Variants in HNRNPL observed in about 807,000 individuals in gnomAD.
HNRNPL encodes the protein heterogeneous nuclear ribonucleoprotein L.
In HNRNPL, 12 loss-of-function variants were observed where a neutral mutation model predicts 64.0. That is an observed-to-expected ratio of 0.19 (90% CI 0.12 to 0.30). The LOEUF (loss-of-function observed/expected upper bound fraction) is 0.30. HNRNPL is among the 10% of genes least tolerant of loss of function. HNRNPL has a pLI of 1.00. For missense variants in HNRNPL, 484 were observed against 797.4 expected (o/e 0.61, Z 4.73); for synonymous variants, 385 against 313.0 (o/e 1.23, Z -2.43).
At chr19:38,840,437 C>G (rs1600053624) in intron 7 of HNRNPL, 51 bp downstream of exon 7, 18 of 1,560,774 alleles carry the variant, frequency 1.2e-5, no homozygotes, top group Non-Finnish European at 1.6e-5. Flanking sequence ...GGGCGGCGGG[C>G]AGGGGCACAT....
chr19:38,839,153 G>T, intron 8 of HNRNPL, 138 bp from the exon 9 acceptor site: 1 of 1,085,528 alleles, frequency 9.2e-7, no homozygotes, highest in Non-Finnish European at 1.3e-6. Context: ...AGAAAAACAT[G>T]CCTGGCCCAC....
Position 38,845,987 on chromosome 19 carries a change from T to C in HNRNPL, c.490A>G (p.Ile164Val), listed in dbSNP as rs370497573. The change falls in exon 3 of 13, where the codon ATT becomes GTT. Residue 164 changes from isoleucine (I) to valine (V), a missense_variant. Transcript: ENST00000221419. ...VNYAADNQIY[I>V]AGHPAFVNYS... is the part of the protein sequence containing the mutation. Reference sequence around the variant, plus strand: ...TTGACAAAAGCTGGGTGACCAGCAATGTATATTTGGTTGTCGGCTGCGTAG... The same window carrying C: ...TTGACAAAAGCTGGGTGACCAGCAACGTATATTTGGTTGTCGGCTGCGTAG... 6.8e-6 allele frequency: 11 copies of C among 1,614,148 alleles called. No individual in the cohort carries two copies. The highest frequency in any genetic ancestry group is 2.5e-6 in the Non-Finnish European group (3 of 1,180,002).
intron 8 of HNRNPL, 62 bp downstream of exon 8, chr19:38,840,034 C>G: frequency 5.2e-6 from 8 of 1,542,900 alleles, no homozygotes; most frequent in Non-Finnish European, 6.3e-6. Context: ...TGGTTCTTTC[C>G]CGTGCTGACT....
intron 11 of HNRNPL, 28 bp downstream of exon 11, chr19:38,837,566 G>A (rs1296640864): frequency 1.2e-6 from 2 of 1,612,654 alleles, no homozygotes; most frequent in African/African-American, 1.3e-5. Context: ...ATGCAATTAG[G>A]GCAAGGAGGT....
upstream of HNRNPL, among the ~76,000 whole-genome samples, chr19:38,851,355 C>A (rs960474102): frequency 6.6e-6 from 1 of 152,248 alleles, no homozygotes; most frequent in Non-Finnish European, 1.5e-5. Flanking sequence ...CACGCGCAGG[C>A]AGCGGGGTCA....
chr19:38,841,408 G>A (rs977129958), intron 6 of HNRNPL: 7 of 358,522 alleles, frequency 2.0e-5, no homozygotes, highest in African/African-American at 1.3e-4. Flanking sequence ...TTGGCCCAAA[G>A]TCACAAAGCA....
chr19:38,852,125 C>G (rs1240392750), upstream of HNRNPL, among the ~76,000 whole-genome samples: 1 of 148,526 alleles, frequency 6.7e-6, no homozygotes, highest in Non-Finnish European at 1.5e-5. Flanking sequence ...AACGGTCTCC[C>G]CGGCGCCGCA....
rs1414382837 is a variant in HNRNPL at position 38,845,912 on chromosome 19, G to A, written c.565C>T (p.Arg189Trp). 3.7e-6 allele frequency: 6 copies of A among 1,614,212 alleles called. No individual in the cohort carries two copies. The highest frequency in any genetic ancestry group is 2.2e-5 in the East Asian group (1 of 44,890). The change falls in exon 3 of 13, where the codon CGG becomes TGG. Residue 189 changes from arginine (R) to tryptophan (W), a missense_variant. This residue lies in a region of HNRNPL where 60 missense variants were observed against 192.2 expected (regional missense o/e 0.31). Transcript: ENST00000221419. ...AAGAGAAGCACACTGTTCACGCTCC[G>A]GGAGTCATCCGAGTCCCCAGGGCGG... ...ISRPGDSDDS[R>W]SVNSVLLFTI... is the part of the protein sequence containing the mutation.
chr19:38,840,036 G>C, intron 8 of HNRNPL, 60 bp downstream of exon 8: 1 of 1,551,120 alleles, frequency 6.4e-7, no homozygotes, highest in East Asian at 2.2e-5. Context: ...GTTCTTTCCC[G>C]TGCTGACTGG....
chr19:38,850,097 C>T, upstream of HNRNPL: 3 of 690,870 alleles, frequency 4.3e-6, no homozygotes, highest in Non-Finnish European at 6.5e-6. Flanking sequence ...ACGCCTTGCG[C>T]GCTTATTGGA....
At chr19:38,838,157 A>C (rs1289859464) in intron 10 of HNRNPL, among the ~76,000 whole-genome samples, 1 of 152,228 alleles carries the variant, frequency 6.6e-6, no homozygotes, top group Non-Finnish European at 1.5e-5. Context: ...TGCTTGCCAA[A>C]AATGTAAAAG....
chr19:38,850,566 T>G (rs1245858851), upstream of HNRNPL, among the ~76,000 whole-genome samples: 3 of 152,296 alleles, frequency 2.0e-5, no homozygotes, highest in Admixed American at 2.0e-4. Context: ...GGGTAGGCGC[T>G]CTTTGGTGCA....
chr19:38,838,368 G>T, intron 10 of HNRNPL, 29 bp downstream of exon 10: 1 of 1,586,596 alleles, frequency 6.3e-7, no homozygotes, highest in South Asian at 1.1e-5. Flanking sequence ...GCAAGGACCC[G>T]ACTGCCTGCG....
intron 2 of HNRNPL, among the ~76,000 whole-genome samples, chr19:38,846,781 G>A (rs965288710): frequency 6.6e-6 from 1 of 152,118 alleles, no homozygotes; most frequent in Non-Finnish European, 1.5e-5. Flanking sequence ...GGTGGCCAGC[G>A]CCTGTGGTCC....
At chr19:38,850,115 C>G, upstream of HNRNPL, 1 of 585,454 alleles carries the variant, frequency 1.7e-6, no homozygotes, top group South Asian at 2.9e-5. Context: ...GGACATTGCC[C>G]ACGCCGTTCT....
intron 1 of HNRNPL, 115 bp from the exon 2 acceptor site, chr19:38,847,549 G>T: frequency 1.9e-6 from 1 of 530,726 alleles, no homozygotes; most frequent in Non-Finnish European, 3.2e-6. Flanking sequence ...CATCCGTGAA[G>T]GATGCACAGG....
intron 2 of HNRNPL, among the ~76,000 whole-genome samples, chr19:38,846,800 C>T (rs1600066786): frequency 1.3e-5 from 2 of 152,044 alleles, no homozygotes; most frequent in African/African-American, 2.4e-5. Context: ...CCCAGCTACT[C>T]GGGAGGCTGA....
At position 38,838,415 on chromosome 19, in the gene HNRNPL, G is replaced by A. The variant is rs149002259; in HGVS notation, c.1539C>T (p.Thr513=). The change falls in exon 10 of 13, where the codon ACC becomes ACT. Residue 513 remains threonine (T), a synonymous_variant. Transcript: ENST00000221419. The part of the protein sequence containing the change: ...LHFFNAPLEV[T]EENFFEICDE... ...CACACACCTCAAAGAAGTTCTCCTC[G>A]GTCACCTCCAGCGGGGCGTTGAAGA... 1.4e-3 allele frequency: 2,312 copies of A among 1,611,194 alleles called. 2 individuals carry two copies. The highest frequency in any genetic ancestry group is 8.0e-3 in the African/African-American group (600 of 74,998).
upstream of HNRNPL, chr19:38,850,190 T>C (rs951827134): frequency 9.9e-6 from 4 of 404,618 alleles, no homozygotes; most frequent in Admixed American, 8.9e-5. Flanking sequence ...TGCCAGTCTT[T>C]CCGTCGACCC....
Sources: gnomAD v4.1 joint callset for allele counts (sites outside exome capture counted in the v4.1 genomes callset) on GRCh38, gnomAD v4.1.1 for gene constraint, gnomAD v4.1.1 regional missense constraint, MANE v1.5 for transcripts, NCBI Gene and HGNC (gene_info 2026-07-23, HGNC 2026-07-21) for gene names.